Variants in LCOR observed in about 807,000 individuals in gnomAD.
LCOR encodes ligand dependent nuclear receptor corepressor, also known as ligand-dependent corepressor.
Under a neutral mutation model 64.4 loss-of-function variants are expected in LCOR, and 14 were observed. That is an observed-to-expected ratio of 0.22 (90% CI 0.14 to 0.34). LCOR has a LOEUF of 0.34. LCOR is among the 10% of genes least tolerant of loss of function. The pLI is 1.00. For missense variants in LCOR, 1,686 were observed against 1,765.3 expected (o/e 0.96, Z 0.80); for synonymous variants, 643 against 642.5 (o/e 1.00, Z -0.01).
At chr10:96,833,575 C>T in intron 2 of LCOR, 96 bp downstream of exon 2, 2 of 445,548 alleles carry the variant, frequency 4.5e-6, no homozygotes, top group Non-Finnish European at 6.0e-6. Context: ...ATTGTTACTT[C>T]CCCGTCTTTG....
intron 7 of LCOR, chr10:96,963,894 T>A (rs375132608): frequency 6.6e-6 from 1 of 152,224 alleles, no homozygotes; most frequent in Non-Finnish European, 1.5e-5. Flanking sequence ...ATCTTTCAGA[T>A]TTCTAGAAGT....
In LCOR at chr10:96,929,378, G is replaced by A. The variant is rs150888742; in HGVS notation, c.-183-14735G>A. On this transcript the variant is annotated intron_variant, in intron 4 of 7. Transcript: ENST00000421806. Reference sequence around the variant, plus strand: ...ACTTGCCACTTCACCTTGCACTTTTGTTGTTACAGAGATGACTTCTTTTCC... The same window carrying A: ...ACTTGCCACTTCACCTTGCACTTTTATTGTTACAGAGATGACTTCTTTTCC... Among the ~76,000 whole-genome samples the A allele has an allele frequency of 5.9e-3, 892 of 152,318 alleles. 16 individuals are homozygous for A. Among genetic ancestry groups the A allele is most frequent in the African/African-American group, 0.02 (847 of 41,560 alleles).
intron 5 of LCOR, among the ~76,000 whole-genome samples, chr10:96,945,397 C>CT (rs1165422822): frequency 2.0e-5 from 3 of 152,062 alleles, no homozygotes; most frequent in East Asian, 1.9e-4. Flanking sequence ...TTCTGTGGCA[C>CT]TTTTTTTCCC....
At position 96,836,235 on chromosome 10, in the gene LCOR, G is replaced by T. The variant is rs547344705; in HGVS notation, c.-330+2756G>T. ...TAGTCTTATGGTGCTACACAGGGGG[G>T]CCTGGAATTTCTTACATAGTGAGAA... On this transcript the variant is annotated intron_variant, in intron 2 of 7. Coordinates refer to ENST00000421806, the MANE Select transcript of LCOR (RefSeq NM_001346516.2). 9.2e-5 allele frequency among the ~76,000 whole-genome samples: 14 copies of T among 152,256 alleles called. 1 individual carries two copies. The East Asian group carries it at 2.3e-3, about 25-fold the overall frequency.
chr10:96,952,390 G>A (rs1023510920), intron 7 of LCOR, among the ~76,000 whole-genome samples, 194 bp downstream of exon 7: 2 of 152,132 alleles, frequency 1.3e-5, no homozygotes, highest in African/African-American at 2.4e-5. Context: ...TGTCAGTTTA[G>A]TACAAATAGT....
At chr10:96,974,613 A>G (rs1487788515) in intron 7 of LCOR, among the ~76,000 whole-genome samples, 1 of 152,216 alleles carries the variant, frequency 6.6e-6, no homozygotes, top group Non-Finnish European at 1.5e-5. Flanking sequence ...TGCAGAACAG[A>G]AAATTGCCTC....
intron 4 of LCOR, among the ~76,000 whole-genome samples, chr10:96,913,453 T>C (rs1317603920): frequency 6.6e-6 from 1 of 152,188 alleles, no homozygotes; most frequent in Non-Finnish European, 1.5e-5. Context: ...TCTGTTCTTG[T>C]GTATGGCTGG....
intron 2 of LCOR, among the ~76,000 whole-genome samples, chr10:96,838,537 G>A (rs1845485064): frequency 1.3e-5 from 2 of 152,160 alleles, no homozygotes; most frequent in Admixed American, 6.6e-5. Flanking sequence ...TGTTTCTGTG[G>A]ATTTGTCTAT....
chr10:96,853,602 T>C (rs1321188309), intron 2 of LCOR, among the ~76,000 whole-genome samples: 1 of 152,176 alleles, frequency 6.6e-6, no homozygotes, highest in Non-Finnish European at 1.5e-5. Context: ...CTGGACTTGC[T>C]CCATGTCTGG....
intron 7 of LCOR, chr10:96,956,485 C>T: frequency 1.0e-6 from 1 of 983,514 alleles, no homozygotes; most frequent in South Asian, 4.7e-5. Flanking sequence ...TATTCACTGA[C>T]ATAATTATTG....
At chr10:96,868,988 C>T (rs547062737) in intron 2 of LCOR, among the ~76,000 whole-genome samples, 14 of 152,300 alleles carry the variant, frequency 9.2e-5, no homozygotes, top group Middle Eastern at 6.8e-3. Flanking sequence ...TTACTGCATC[C>T]TTTGCCTCCC....
rs182661475 is a variant in LCOR, at chr10:96,849,365, G to A, written c.-330+15886G>A. Among the ~76,000 whole-genome samples the A allele has an allele frequency of 3.4e-3, 519 of 152,078 alleles. 8 individuals are homozygous for A. The South Asian group carries it at 0.055, about 16-fold the overall frequency. On this transcript the variant is annotated intron_variant, in intron 2 of 7. Coordinates refer to ENST00000421806, the MANE Select transcript of LCOR (RefSeq NM_001346516.2). ...TGGGATTACAGGCGTGAGCCACTGC[G>A]TCCGGCCTAATTTTTGTATTTTTAG... is the stretch of plus-strand genomic sequence containing the variant.
intron 7 of LCOR, among the ~76,000 whole-genome samples, chr10:96,975,017 A>G (rs1848026650): frequency 1.3e-5 from 2 of 152,118 alleles, no homozygotes; most frequent in South Asian, 4.1e-4. Context: ...GTAAAAATAC[A>G]AAAATTAGCT....
Position 96,988,166 on chromosome 10 carries a change from T to C in LCOR, c.*3032T>C, listed in dbSNP as rs925000092. ...ATCCTACGAGACTCCCTGCTATAGA[T>C]GGACATGCAGGAGACCACTCCCTCA... On this transcript the variant is annotated 3_prime_UTR_variant, in exon 8 of 8. Coordinates refer to ENST00000421806, the MANE Select transcript of LCOR (RefSeq NM_001346516.2). 2 of 152,206 alleles carry C rather than the reference T, an allele frequency of 1.3e-5. No homozygotes were observed. The highest frequency in any genetic ancestry group is 2.9e-5 in the Non-Finnish European group (2 of 68,048). The allele number at this position is 152,206 out of a possible 1,614,324, so 9.4% of individuals were successfully genotyped here. A position where few individuals can be genotyped will look rare whatever the true frequency, so the allele number is the denominator to read the frequency against.
chr10:96,962,236 G>A (rs1033998866), intron 7 of LCOR: 8 of 152,060 alleles, frequency 5.3e-5, no homozygotes, highest in African/African-American at 1.9e-4. Flanking sequence ...TTTGGAATTT[G>A]AGAGAAGGTG....
At chr10:96,877,893 G>A (rs532520787) in intron 2 of LCOR, among the ~76,000 whole-genome samples, 5 of 152,182 alleles carry the variant, frequency 3.3e-5, no homozygotes, top group African/African-American at 1.2e-4. Context: ...TTACAGGCGT[G>A]AGCCACTGCG....
At position 96,897,052 on chromosome 10, in the gene LCOR, TGA is replaced by T. The variant is rs142740088; in HGVS notation, c.-329-10192_-329-10191del. On this transcript the variant is annotated intron_variant, in intron 2 of 7. Transcript: ENST00000421806. ...AGTTAACTCCATTATTCCCAAGGAA[TGA>T]GAGAGAGAGAGAGAGAGAGAAAGAG... Among the ~76,000 whole-genome samples the T allele has an allele frequency of 1.8e-3, 221 of 123,946 alleles. 3 individuals are homozygous for T. Among genetic ancestry groups the T allele is most frequent in the South Asian group, 9.8e-3 (39 of 3,994 alleles). 81.3% of individuals were successfully genotyped at this position (123,946 alleles called of 152,430 possible).
At chr10:96,848,294 A>G (rs1187729179) in intron 2 of LCOR, among the ~76,000 whole-genome samples, 2 of 152,250 alleles carry the variant, frequency 1.3e-5, no homozygotes, top group African/African-American at 4.8e-5. Flanking sequence ...ACAGAAGTAT[A>G]AGCAATGACA....
At chr10:96,977,940 A>G (rs1199750096) in intron 7 of LCOR, among the ~76,000 whole-genome samples, 2 of 152,222 alleles carry the variant, frequency 1.3e-5, no homozygotes, top group African/African-American at 4.8e-5. Context: ...GAGAATTTCC[A>G]AGTGGTAGAT....
Sources: allele counts gnomAD v4.1 joint callset (sites outside exome capture counted in the v4.1 genomes callset), GRCh38; gene constraint gnomAD v4.1.1; transcripts MANE v1.5; gene names NCBI Gene and HGNC (gene_info 2026-07-23, HGNC 2026-07-21).